The following MAGI1 variants were observed in gnomAD, a reference collection of about 807,000 sequenced individuals.
MAGI1 encodes the protein membrane associated guanylate kinase, WW and PDZ domain containing 1, also known as membrane-associated guanylate kinase, WW and PDZ domain-containing protein 1.
MAGI1 carries 58 observed loss-of-function variants against 139.9 expected under a neutral mutation model. The ratio of observed to expected loss-of-function variants is 0.41; its 90% CI spans 0.34 to 0.52. The LOEUF is 0.52. Among genes scored for constraint, MAGI1 ranks in the 20% least tolerant of loss-of-function variants. The pLI, the probability that MAGI1 is intolerant of heterozygous loss-of-function variation, is 0.12. For missense variants in MAGI1, 1,874 were observed against 1,901.6 expected (o/e 0.99, Z 0.27); for synonymous variants, 812 against 737.9 (o/e 1.10, Z -1.63).
intron 2 of MAGI1, among the ~76,000 whole-genome samples, chr3:65,572,178 C>T (rs932746938): frequency 6.6e-6 from 1 of 152,074 alleles, no homozygotes; most frequent in Non-Finnish European, 1.5e-5. Flanking sequence ...GTACCATCCT[C>T]AATACTTTAA....
At chr3:65,400,712 T>G (rs1226141025) in intron 13 of MAGI1, among the ~76,000 whole-genome samples, 1 of 149,166 alleles carries the variant, frequency 6.7e-6, no homozygotes, top group African/African-American at 2.5e-5. Context: ...GTAATGCATC[T>G]TCAGGGAAAC....
chr3:65,578,167 T>G (rs2081259766), intron 2 of MAGI1, among the ~76,000 whole-genome samples: 1 of 152,188 alleles, frequency 6.6e-6, no homozygotes, highest in African/African-American at 2.4e-5. Context: ...AACCAGGCTA[T>G]GTATTCCTTT....
intron 2 of MAGI1, among the ~76,000 whole-genome samples, chr3:65,621,528 G>A (rs769232699): frequency 2.0e-5 from 3 of 152,176 alleles, no homozygotes; most frequent in Non-Finnish European, 4.4e-5. Flanking sequence ...AGAGCCCACT[G>A]GGGTATTCCC....
Position 65,864,484 on chromosome 3 carries a change from G to A in MAGI1, c.313+173512C>T, listed in dbSNP as rs115454602. 5.0e-3 allele frequency among the ~76,000 whole-genome samples: 763 copies of A among 152,358 alleles called. 9 individuals are homozygous for A. The highest frequency in any genetic ancestry group is 0.017 in the African/African-American group (719 of 41,588). On this transcript the variant is annotated intron_variant, in intron 1 of 22. Transcript: ENST00000402939. ...CAAAAATGGCAGCTGTGATGGGGAA[G>A]CCTGGACTGTCAAGGCCACCCGTCA... is the stretch of plus-strand genomic sequence containing the variant.
At chr3:65,955,032 T>C (rs1289947495) in intron 1 of MAGI1, among the ~76,000 whole-genome samples, 1 of 152,194 alleles carries the variant, frequency 6.6e-6, no homozygotes, top group African/African-American at 2.4e-5. Flanking sequence ...TACCTGTTTG[T>C]GAAATCAGAG....
chr3:65,869,720 G>A (rs1217160843), intron 1 of MAGI1, among the ~76,000 whole-genome samples: 2 of 152,058 alleles, frequency 1.3e-5, no homozygotes, highest in Admixed American at 6.6e-5. Context: ...TTTAACTGAT[G>A]TATTCCAAGG....
intron 4 of MAGI1, among the ~76,000 whole-genome samples, chr3:65,472,953 C>G (rs1374277046): frequency 6.6e-6 from 1 of 152,200 alleles, no homozygotes; most frequent in African/African-American, 2.4e-5. Flanking sequence ...GCCACACTAT[C>G]CGAGTTTGAA....
intron 2 of MAGI1, among the ~76,000 whole-genome samples, chr3:65,534,263 T>C (rs967750968): frequency 6.6e-6 from 1 of 152,050 alleles, no homozygotes; most frequent in African/African-American, 2.4e-5. Context: ...GGTAGGATCA[T>C]TTGAGTCCAG....
At chr3:65,871,527 C>G (rs1379942943) in intron 1 of MAGI1, among the ~76,000 whole-genome samples, 8 of 152,122 alleles carry the variant, frequency 5.3e-5, no homozygotes, top group Admixed American at 2.6e-4. Context: ...GGGTGCTTCC[C>G]AGGAGGCCAG....
At chr3:65,369,468 G>A (rs1941767053) in intron 18 of MAGI1, among the ~76,000 whole-genome samples, 2 of 151,602 alleles carry the variant, frequency 1.3e-5, no homozygotes, top group African/African-American at 4.8e-5. Context: ...CTTTTCAAAG[G>A]GCCTGCTGGG....
intron 1 of MAGI1, among the ~76,000 whole-genome samples, chr3:65,896,922 T>C (rs112674437): frequency 3.2e-4 from 48 of 152,244 alleles, no homozygotes; most frequent in South Asian, 2.1e-4. Flanking sequence ...AATAATACAA[T>C]TGCCCCTCCA....
chr3:65,842,653 G>GC (rs1559934010), intron 1 of MAGI1, among the ~76,000 whole-genome samples: 1 of 152,094 alleles, frequency 6.6e-6, no homozygotes, highest in Non-Finnish European at 1.5e-5. Context: ...GAGCCACTGC[G>GC]CCCAGCCATA....
At chr3:65,927,134 C>T (rs1163651731) in intron 1 of MAGI1, among the ~76,000 whole-genome samples, 1 of 152,222 alleles carries the variant, frequency 6.6e-6, no homozygotes, top group Non-Finnish European at 1.5e-5. Context: ...CGGCAGCCCT[C>T]AGGGCTGGTC....
At chr3:65,589,481 T>G (rs2081858933) in intron 2 of MAGI1, among the ~76,000 whole-genome samples, 1 of 152,104 alleles carries the variant, frequency 6.6e-6, no homozygotes, top group African/African-American at 2.4e-5. Flanking sequence ...CCCTAAATAT[T>G]TATTTATTGG....
intron 1 of MAGI1, among the ~76,000 whole-genome samples, chr3:65,700,555 G>GT (rs1312696594): frequency 3.3e-5 from 5 of 152,146 alleles, no homozygotes; most frequent in African/African-American, 1.2e-4. Context: ...TTGATCTAAT[G>GT]TTTTAAATAT....
intron 1 of MAGI1, among the ~76,000 whole-genome samples, chr3:65,827,450 C>T (rs1017812131): frequency 1.3e-5 from 2 of 152,140 alleles, no homozygotes; most frequent in Non-Finnish European, 2.9e-5. Context: ...CTTCAAGAGG[C>T]AATATTATCA....
intron 22 of MAGI1, chr3:65,360,608 T>C: frequency 1.0e-6 from 1 of 985,564 alleles, no homozygotes; most frequent in Non-Finnish European, 1.2e-6. Flanking sequence ...ACATTATGGC[T>C]AATATATTAA....
At chr3:65,561,876 C>A (rs1313038778) in intron 2 of MAGI1, among the ~76,000 whole-genome samples, 1 of 152,170 alleles carries the variant, frequency 6.6e-6, no homozygotes, top group Non-Finnish European at 1.5e-5. Flanking sequence ...GTAACCCCCC[C>A]AATACAGTTT....
intron 2 of MAGI1, among the ~76,000 whole-genome samples, chr3:65,508,141 C>A (rs376345717): frequency 1.3e-5 from 2 of 152,150 alleles, no homozygotes; most frequent in Admixed American, 6.5e-5. Context: ...CGGTGGCTCA[C>A]GCCTGTAATC....
Sources: allele counts gnomAD v4.1 joint callset (sites outside exome capture counted in the v4.1 genomes callset), GRCh38; gene constraint gnomAD v4.1.1; transcripts MANE v1.5; gene names NCBI Gene and HGNC (gene_info 2026-07-23, HGNC 2026-07-21).